CDH12: variants seen among roughly 807,000 people sequenced by gnomAD.
CDH12 encodes the protein cadherin-12.
In CDH12, 41 loss-of-function variants were observed where a neutral mutation model predicts 74.1. The ratio of observed to expected loss-of-function variants is 0.55; its 90% confidence interval spans 0.43 to 0.72. The LOEUF (loss-of-function observed/expected upper bound fraction) is 0.72, where lower values mean the gene tolerates loss of function less well. Among genes scored for constraint, CDH12 ranks in the 30% least tolerant of loss-of-function variants. The pLI is 0.00. For missense variants in CDH12, 945 were observed against 977.2 expected, an observed-to-expected ratio of 0.97 and a Z score of 0.44; for synonymous variants, 399 against 355.0, an observed-to-expected ratio of 1.12 and a Z score of -1.39.
chr5:22,649,136 G>C (rs1739592527), intron 1 of CDH12, among the ~76,000 whole-genome samples: 1 of 151,954 alleles, frequency 6.6e-6, no homozygotes, highest in South Asian at 2.1e-4. Flanking sequence ...GAGGACTAAG[G>C]TCTTGGATGT....
intron 2 of CDH12, among the ~76,000 whole-genome samples, chr5:22,426,060 G>A (rs558033331): frequency 4.2e-4 from 64 of 151,788 alleles, no homozygotes; most frequent in Middle Eastern, 3.4e-3. Context: ...GGTGGCGGGC[G>A]CCTGTAGTTC....
At chr5:22,194,200 C>T (rs1750472996) in intron 4 of CDH12, among the ~76,000 whole-genome samples, 2 of 152,128 alleles carry the variant, frequency 1.3e-5, no homozygotes, top group South Asian at 2.1e-4. Flanking sequence ...AGAGATGGAA[C>T]ATTCAGGTAC....
intron 1 of CDH12, among the ~76,000 whole-genome samples, chr5:22,833,887 G>A (rs1476350906): frequency 2.0e-5 from 3 of 151,950 alleles, no homozygotes; most frequent in South Asian, 2.1e-4. Context: ...CAAAGCCACC[G>A]GGAGGAAATA....
intron 4 of CDH12, among the ~76,000 whole-genome samples, chr5:22,108,375 T>A (rs1444610837): frequency 6.6e-6 from 1 of 152,246 alleles, no homozygotes; most frequent in Non-Finnish European, 1.5e-5. Context: ...TGGGTATGTC[T>A]TTATCAGCAG....
chr5:22,230,578 C>T (rs192151760), intron 3 of CDH12, among the ~76,000 whole-genome samples: 2 of 150,518 alleles, frequency 1.3e-5, no homozygotes, highest in Admixed American at 6.7e-5. Flanking sequence ...TTAAGCGATT[C>T]TCCTGCCCCA....
chr5:22,658,032 G>A (rs1409780530), intron 1 of CDH12, among the ~76,000 whole-genome samples: 1 of 152,094 alleles, frequency 6.6e-6, no homozygotes, highest in African/African-American at 2.4e-5. Flanking sequence ...AAATCTCCTG[G>A]TCTGAAAATG....
At chr5:22,828,901 T>C (rs972640349) in intron 1 of CDH12, among the ~76,000 whole-genome samples, 1 of 152,206 alleles carries the variant, frequency 6.6e-6, no homozygotes, top group African/African-American at 2.4e-5. Context: ...ACTTAACAGG[T>C]ATTTTATTGA....
At chr5:21,758,315 T>G (rs931100523) in intron 13 of CDH12, among the ~76,000 whole-genome samples, 13 of 152,148 alleles carry the variant, frequency 8.5e-5, no homozygotes, top group African/African-American at 3.1e-4. Context: ...TTGCATATTT[T>G]ATTCAAACTC....
chr5:22,037,884 A>G (rs1458484278), intron 5 of CDH12, among the ~76,000 whole-genome samples: 1 of 152,102 alleles, frequency 6.6e-6, no homozygotes, highest in Non-Finnish European at 1.5e-5. Flanking sequence ...GGCCTCCACC[A>G]CCTCATTCCC....
At chr5:22,800,803 A>G (rs540251861) in intron 1 of CDH12, among the ~76,000 whole-genome samples, 6 of 152,214 alleles carry the variant, frequency 3.9e-5, no homozygotes, top group South Asian at 2.1e-4. Flanking sequence ...TAATATGTCA[A>G]TTTTTTAGAT....
rs539897147 is a variant in CDH12 at position 22,259,189 on chromosome 5, T to C, written c.-332-46546A>G. On this transcript the variant is annotated intron_variant, in intron 3 of 14. Coordinates refer to ENST00000382254, the MANE Select transcript of CDH12 (RefSeq NM_004061.5). ...CAATGAAAACAAAAGCAAATGTCAT[T>C]CACCCAGATAGTATGAGAAGTACTT... Among the ~76,000 whole-genome samples, 30 of 152,236 alleles carry C rather than the reference T, an allele frequency of 2.0e-4. 1 individual carries two copies. The South Asian group carries it at 4.8e-3, about 24-fold the overall frequency.
At chr5:22,676,054 T>C (rs1268390531) in intron 1 of CDH12, among the ~76,000 whole-genome samples, 2 of 151,522 alleles carry the variant, frequency 1.3e-5, no homozygotes, top group Non-Finnish European at 2.9e-5. Context: ...AAAATAACTA[T>C]TTACATGAAT....
intron 3 of CDH12, among the ~76,000 whole-genome samples, chr5:22,334,711 C>G (rs1188983784): frequency 6.6e-6 from 1 of 152,104 alleles, no homozygotes; most frequent in African/African-American, 2.4e-5. Context: ...CTACAGTGAA[C>G]TCATTTTCAA....
chr5:22,712,470 G>T (rs1165929866), intron 1 of CDH12, among the ~76,000 whole-genome samples: 1 of 125,110 alleles, frequency 8.0e-6, no homozygotes, highest in Non-Finnish European at 1.7e-5. Context: ...AGGCCTTTTG[G>T]CTAGAATAGA....
At chr5:22,024,643 G>T (rs1236965106) in intron 5 of CDH12, among the ~76,000 whole-genome samples, 3 of 152,100 alleles carry the variant, frequency 2.0e-5, no homozygotes. Flanking sequence ...CTCCCAGGTA[G>T]CTGGGATTAC....
At chr5:21,759,166 T>C (rs999477066) in intron 13 of CDH12, among the ~76,000 whole-genome samples, 1 of 152,090 alleles carries the variant, frequency 6.6e-6, no homozygotes, top group Non-Finnish European at 1.5e-5. Context: ...TTGTATTCCA[T>C]ATCATGTTAA....
intron 1 of CDH12, among the ~76,000 whole-genome samples, chr5:22,567,223 A>G (rs754283214): frequency 2.4e-4 from 37 of 152,138 alleles, no homozygotes; most frequent in Non-Finnish European, 4.6e-4. Flanking sequence ...GTTTGGAGTT[A>G]GCCACATTGT....
At chr5:22,141,511 G>A (rs1260506547) in intron 4 of CDH12, 2 of 152,112 alleles carry the variant, frequency 1.3e-5, no homozygotes, top group African/African-American at 4.8e-5. Flanking sequence ...AGGAGGTGGT[G>A]GACACACATT....
chr5:22,824,092 G>A (rs1749874320), intron 1 of CDH12, among the ~76,000 whole-genome samples: 1 of 152,044 alleles, frequency 6.6e-6, no homozygotes, highest in Non-Finnish European at 1.5e-5. Flanking sequence ...ATTGTAATTA[G>A]ACTTACATCT....
Sources: allele counts gnomAD v4.1 joint callset (sites outside exome capture counted in the v4.1 genomes callset), GRCh38; gene constraint gnomAD v4.1.1; transcripts MANE v1.5; gene names NCBI Gene and HGNC (gene_info 2026-07-23, HGNC 2026-07-21).